The following ZNF786 variants were observed in gnomAD, a reference collection of about 807,000 sequenced individuals.
ZNF786 encodes zinc finger protein 786.
A neutral mutation model predicts 63.1 loss-of-function variants in ZNF786; 56 were observed. The observed-to-expected ratio is 0.89, with a 90% CI of 0.72 to 1.11. The LOEUF (loss-of-function observed/expected upper bound fraction) is 1.11, where lower values mean the gene tolerates loss of function less well. ZNF786 is among the 50% of genes least tolerant of loss of function. The pLI is 0.00. For missense variants in ZNF786, 1,213 were observed against 1,041.8 expected (o/e 1.16, Z -2.26); for synonymous variants, 485 against 406.9 (o/e 1.19, Z -2.31).
chr7:149,077,330 G>C (rs115232021), intron 2 of ZNF786, among the ~76,000 whole-genome samples: 1,624 of 152,250 alleles, frequency 0.011, 27 homozygotes, highest in African/African-American at 0.037. Context: ...CTGACTATTA[G>C]ATTAAGAAGA....
chr7:149,083,214 A>AT lies in ZNF786; in HGVS notation c.19-2498dup, dbSNP rs948704539. On this transcript the variant is annotated intron_variant, in intron 1 of 3. Coordinates refer to ENST00000491431, the MANE Select transcript of ZNF786 (RefSeq NM_152411.4). ...ACCCAGCCAGCCTAGTCATCTTTAA[A>AT]TTTTTTTTTCTTTTTTTTTGAGACG... Among the ~76,000 whole-genome samples the AT allele has an allele frequency of 6.0e-4, 87 of 144,674 alleles. 1 individual carries two copies. Among genetic ancestry groups the AT allele is most frequent in the Middle Eastern group, 4.1e-3 (1 of 242 alleles). The allele number at this position is 144,674 out of a possible 152,430, so 94.9% of individuals were successfully genotyped here. A position where few individuals can be genotyped will look rare whatever the true frequency, so the allele number is the denominator to read the frequency against.
Position 149,081,392 on chromosome 7 carries a change from C to T in ZNF786, c.19-675G>A, listed in dbSNP as rs151276737. ...CAGAGGTTGCAGTGAGCGGAGATCG[C>T]GCCACCGCACTACAGCCTGGGCGAC... On this transcript the variant is annotated intron_variant, in intron 1 of 3. Transcript: ENST00000491431. 1.0e-2 allele frequency among the ~76,000 whole-genome samples: 1,423 copies of T among 143,004 alleles called. 16 individuals carry two copies. Among genetic ancestry groups the T allele is most frequent in the Middle Eastern group, 0.035 (10 of 282 alleles). 93.8% of individuals were successfully genotyped at this position (143,004 alleles called of 152,430 possible). A position where few individuals can be genotyped will look rare whatever the true frequency, so the allele number is the denominator to read the frequency against.
chr7:149,087,993 CTTTT>C (rs11304737), intron 1 of ZNF786, among the ~76,000 whole-genome samples: 4 of 126,262 alleles, frequency 3.2e-5, no homozygotes, highest in East Asian at 2.4e-4. Context: ...GTTGCCCAGG[CTTTT>C]TTTTTTTTTT....
intron 1 of ZNF786, among the ~76,000 whole-genome samples, chr7:149,083,693 C>T (rs539780625): frequency 6.6e-6 from 1 of 152,274 alleles, no homozygotes; most frequent in African/African-American, 2.4e-5. Context: ...CTCCTCCCAG[C>T]CTCCACCTTC....
Position 149,072,098 on chromosome 7 carries a change from G to A in ZNF786, c.674C>T (p.Ala225Val), listed in dbSNP as rs757993929. The A allele has an allele frequency of 6.2e-7, 1 of 1,613,020 alleles. No homozygotes were observed. The highest frequency in any genetic ancestry group is 8.5e-7 in the Non-Finnish European group (1 of 1,179,614). ...RRAWEKFNKR[A>V]ETQMPWSSPR... is the part of the protein sequence containing the mutation. ...GCTGCTCCACGGCATCTGCGTCTCC[G>A]CCCTCTTGTTGAATTTCTCCCAGGC... The change falls in exon 4 of 4, where the codon GCG becomes GTG. Residue 225 changes from alanine (A) to valine (V), a missense_variant. Physicochemically the swap from Ala to Val is moderately conservative, Grantham distance 64. Coordinates refer to ENST00000491431, the MANE Select transcript of ZNF786 (RefSeq NM_152411.4).
At position 149,074,389 on chromosome 7, in the gene ZNF786, A is replaced by G. The variant is rs776256148; in HGVS notation, c.295T>C (p.Trp99Arg). ...GCCCTGATTTCTTAATACTCACCCC[A>G]AAACAGCTGTTCCTCAAAACCTGGA... ...FDPGFEEQLF[W>R]GSQQAMNSGK... is the part of the protein sequence containing the mutation. Residue 99 changes from tryptophan (W) to arginine (R), a missense_variant, in exon 3 of 4, where the codon TGG (tryptophan) becomes CGG (arginine). Coordinates refer to ENST00000491431, the MANE Select transcript of ZNF786 (RefSeq NM_152411.4). 3 of 1,613,744 alleles carry G rather than the reference A, an allele frequency of 1.9e-6. No individual in the cohort carries two copies. Among genetic ancestry groups the G allele is most frequent in the Non-Finnish European group, 2.5e-6 (3 of 1,179,766 alleles).
intron 3 of ZNF786, 106 bp from the exon 4 acceptor site, chr7:149,072,579 C>T: frequency 2.3e-6 from 3 of 1,322,386 alleles, no homozygotes; most frequent in Non-Finnish European, 3.0e-6. Flanking sequence ...CCTGGGAACC[C>T]AGCTTCCACT....
rs1312359805 is a variant in ZNF786, at chr7:149,072,092, G to A, written c.680C>T (p.Thr227Met). The A allele has an allele frequency of 2.5e-6, 4 of 1,613,168 alleles. No individual in the cohort carries two copies. Among genetic ancestry groups the A allele is most frequent in the South Asian group, 2.2e-5 (2 of 90,992 alleles). Residue 227 changes from threonine to methionine, a missense_variant, in exon 4 of 4, where the codon ACG becomes ATG. Thr to Met is a moderately conservative substitution (Grantham distance 81). Coordinates refer to ENST00000491431, the MANE Select transcript of ZNF786 (RefSeq NM_152411.4). ...CCGAGGGCTGCTCCACGGCATCTGC[G>A]TCTCCGCCCTCTTGTTGAATTTCTC... ...AWEKFNKRAE[T>M]QMPWSSPRVQ...
intron 1 of ZNF786, chr7:149,082,646 T>C: frequency 5.4e-6 from 1 of 183,784 alleles, no homozygotes; most frequent in Non-Finnish European, 1.0e-5. Context: ...AGTGGCGTGA[T>C]CTTAGCTCAC....
chr7:149,080,744 C>A, intron 1 of ZNF786, 27 bp from the exon 2 acceptor site: 1 of 1,568,318 alleles, frequency 6.4e-7, no homozygotes, highest in Non-Finnish European at 8.6e-7. Flanking sequence ...AAGACATATG[C>A]ATTCATGGTT....
intron 3 of ZNF786, 75 bp downstream of exon 3, chr7:149,074,311 A>C: frequency 6.4e-7 from 1 of 1,555,790 alleles, no homozygotes; most frequent in Non-Finnish European, 8.7e-7. Context: ...CCCAAACAGG[A>C]TGACAAGATC....
Position 149,072,541 on chromosome 7 carries a change from A to G in ZNF786, c.299-68T>C, listed in dbSNP as rs1471155262. On this transcript the variant is annotated intron_variant, in intron 3 of 3. Coordinates refer to ENST00000491431, the MANE Select transcript of ZNF786 (RefSeq NM_152411.4). ...GCACTACTAGCGATTCTCACAGTCA[A>G]GTGACCCACAAGAGTGCCTTGTGGT... 10 of 1,463,064 alleles carry G rather than the reference A, an allele frequency of 6.8e-6. No homozygotes were observed. In the Admixed American group the frequency reaches 7.5e-5, roughly 11 times the overall value. 90.6% of individuals were successfully genotyped at this position (1,463,064 alleles called of 1,614,324 possible). A position where few individuals can be genotyped will look rare whatever the true frequency, so the allele number is the denominator to read the frequency against.
At chr7:149,076,125 G>GTT (rs201868469) in intron 2 of ZNF786, among the ~76,000 whole-genome samples, 2 of 150,634 alleles carry the variant, frequency 1.3e-5, no homozygotes, top group African/African-American at 2.4e-5. Flanking sequence ...TTTTTGTTTT[G>GTT]TTTTTTTTGA....
rs372836587 is a variant in ZNF786 at position 149,071,999 on chromosome 7, T to A, written c.773A>T (p.His258Leu). The A allele has an allele frequency of 3.7e-6, 6 of 1,612,908 alleles. No individual in the cohort carries two copies. The African/African-American group carries it at 4.0e-5, about 11-fold the overall frequency. ...GCCCCTCCCCGTGTGGGCCGCCAGA[T>A]GGCGCAGCAGACACAGCTTCCGGCG... ...SFRRKLCLLR[H>L]LAAHTGRGPF... The change falls in exon 4 of 4, where the codon CAT (histidine) becomes CTT (leucine). Residue 258 changes from histidine to leucine, a missense_variant. Transcript: ENST00000491431.
chr7:149,084,449 C>A, intron 1 of ZNF786, among the ~76,000 whole-genome samples: 1 of 150,348 alleles, frequency 6.7e-6, no homozygotes, highest in East Asian at 1.9e-4. Context: ...ACATTCCCAC[C>A]AGCAGTGTAT....
intron 1 of ZNF786, 128 bp downstream of exon 1, chr7:149,090,495 A>T: frequency 9.2e-7 from 1 of 1,086,134 alleles, no homozygotes; most frequent in Non-Finnish European, 1.2e-6. Flanking sequence ...CAGCAGAAGC[A>T]GCCTGCAGAC....
At chr7:149,076,842 G>A (rs1490109196) in intron 2 of ZNF786, among the ~76,000 whole-genome samples, 3 of 151,622 alleles carry the variant, frequency 2.0e-5, no homozygotes, top group African/African-American at 7.3e-5. Flanking sequence ...TTGTTTGATA[G>A]TCTTGATTAT....
Position 149,070,904 on chromosome 7 carries a change from C to T in ZNF786, c.1868G>A (p.Cys623Tyr). The change falls in exon 4 of 4, where the codon TGT (cysteine) becomes TAT (tyrosine). Residue 623 changes from cysteine (C) to tyrosine (Y), a missense_variant. Coordinates refer to ENST00000491431, the MANE Select transcript of ZNF786 (RefSeq NM_152411.4). ...RLHTGERPFQ[C>Y]PECDKRYRVK... Reference sequence around the variant, plus strand: ...GCGATAGCGCTTGTCGCACTCCGGACACTGGAAGGGCCTCTCTCCCGTGTG... The same window carrying T: ...GCGATAGCGCTTGTCGCACTCCGGATACTGGAAGGGCCTCTCTCCCGTGTG... 1 of 1,613,790 alleles carries T rather than the reference C, an allele frequency of 6.2e-7. No homozygotes were observed.
Position 149,072,034 on chromosome 7 carries a change from AC to A in ZNF786, c.737del (p.Gly246ValfsTer36), listed in dbSNP as rs776051671. Reference sequence around the variant, plus strand: ...GACACAGCTTCCGGCGGAAGCTCTTACCGCACACGCCACACCGGAAGTGCCT... The same window carrying A: ...GACACAGCTTCCGGCGGAAGCTCTTACGCACACGCCACACCGGAAGTGCCT... Reference protein sequence around the residue: ...VQRHFRCGVCGKSFRRKLCLL... With the variant: ...VQRHFRCGVCXKSFRRKLCLL... On this transcript the variant is annotated frameshift_variant, in exon 4 of 4. Coordinates refer to ENST00000491431, the MANE Select transcript of ZNF786 (RefSeq NM_152411.4). LOFTEE classifies it high-confidence loss of function. 7.4e-6 allele frequency: 12 copies of A among 1,612,778 alleles called. No homozygotes were observed. The South Asian group carries it at 1.3e-4, about 18-fold the overall frequency.
Sources: gnomAD v4.1 joint callset for allele counts (sites outside exome capture counted in the v4.1 genomes callset) on GRCh38, gnomAD v4.1.1 for gene constraint, MANE v1.5 for transcripts, NCBI Gene and HGNC (gene_info 2026-07-23, HGNC 2026-07-21) for gene names.